The following CTNND1 variants were observed in gnomAD, a reference collection of about 807,000 sequenced individuals.
CTNND1 encodes the protein catenin delta 1, also known as catenin delta-1.
Under a neutral mutation model 112.1 loss-of-function variants are expected in CTNND1, and 16 were observed. The observed-to-expected ratio is 0.14, with a 90% CI of 0.10 to 0.22. The LOEUF (loss-of-function observed/expected upper bound fraction) is 0.22. Ranked by LOEUF, CTNND1 falls within the 10% of genes least tolerant of loss-of-function variation. CTNND1 has a pLI of 1.00. For missense variants in CTNND1, 1,008 were observed against 1,257.0 expected (o/e 0.80, Z 3.00); for synonymous variants, 420 against 446.5 (o/e 0.94, Z 0.75).
At position 57,795,741 on chromosome 11, in the gene CTNND1, C is replaced by T. The variant is rs764307328; in HGVS notation, c.420+12C>T. Reference sequence around the variant, plus strand: ...GCACAGAGACCACGGTAAACTAAGACGTGTGTAAGATCTGGAAGTGATAAG... The same window carrying T: ...GCACAGAGACCACGGTAAACTAAGATGTGTGTAAGATCTGGAAGTGATAAG... On this transcript the variant is annotated intron_variant, in intron 5 of 20. Coordinates refer to ENST00000399050, the MANE Select transcript of CTNND1 (RefSeq NM_001085458.2). The T allele has an allele frequency of 9.6e-5, 152 of 1,579,040 alleles. No homozygotes were observed. The highest frequency in any genetic ancestry group is 6.8e-4 in the East Asian group (30 of 44,300).
intron 7 of CTNND1, among the ~76,000 whole-genome samples, chr11:57,803,227 C>T (rs955947925): frequency 6.6e-6 from 1 of 152,198 alleles, no homozygotes; most frequent in South Asian, 2.1e-4. Flanking sequence ...CCTGCCTCAG[C>T]CTCCCAAGTA....
chr11:57,816,249 T>C (rs1046364601), intron 20 of CTNND1, 48 bp from the exon 21 acceptor site: 1 of 1,612,262 alleles, frequency 6.2e-7, no homozygotes, highest in Non-Finnish European at 8.5e-7. Context: ...GGGGGTCTCC[T>C]TAATCCCAAC....
intron 19 of CTNND1, 45 bp downstream of exon 19, chr11:57,815,545 T>G: frequency 7.0e-6 from 10 of 1,433,684 alleles, no homozygotes; most frequent in Non-Finnish European, 3.9e-6. Flanking sequence ...GCTAGTTCTA[T>G]TTTGAAGCCT....
intron 1 of CTNND1, among the ~76,000 whole-genome samples, chr11:57,766,777 A>G (rs144461183): frequency 6.6e-6 from 1 of 152,116 alleles, no homozygotes; most frequent in South Asian, 2.1e-4. Context: ...CCCTAATTCT[A>G]CTTGGAATTG....
intron 15 of CTNND1, 92 bp from the exon 16 acceptor site, chr11:57,810,017 A>G (rs962623642): frequency 7.9e-6 from 7 of 889,862 alleles, no homozygotes; most frequent in Non-Finnish European, 1.1e-5. Context: ...TGCCCCTGGC[A>G]TTTATATTCT....
intron 1 of CTNND1, among the ~76,000 whole-genome samples, chr11:57,771,386 G>C (rs1952568335): frequency 6.6e-6 from 1 of 152,042 alleles, no homozygotes; most frequent in Admixed American, 6.6e-5. Flanking sequence ...GAGTAGTATG[G>C]AGGAAAGAAC....
At chr11:57,772,326 T>C (rs1356780710) in intron 1 of CTNND1, among the ~76,000 whole-genome samples, 3 of 152,132 alleles carry the variant, frequency 2.0e-5, no homozygotes, top group African/African-American at 7.2e-5. Flanking sequence ...AGCCTAGACC[T>C]GTACAGTTTC....
chr11:57,798,749 C>T (rs539189466), intron 6 of CTNND1, among the ~76,000 whole-genome samples: 1 of 152,296 alleles, frequency 6.6e-6, no homozygotes, highest in African/African-American at 2.4e-5. Flanking sequence ...CGACAGACCC[C>T]TGAAAATGAC....
chr11:57,801,339 T>A (rs545607551), intron 6 of CTNND1, among the ~76,000 whole-genome samples: 2 of 152,328 alleles, frequency 1.3e-5, no homozygotes, highest in East Asian at 3.9e-4. Flanking sequence ...AGTCAGTTGC[T>A]TTGGTTAATT....
chr11:57,808,641 GAAGGACCC>G (rs1211513305), intron 14 of CTNND1, 101 bp downstream of exon 14: 2 of 1,176,188 alleles, frequency 1.7e-6, no homozygotes, highest in African/African-American at 3.1e-5. Context: ...TGACTGAAGG[GAAGGACCC>G]TCCCCCGCTT....
intron 6 of CTNND1, among the ~76,000 whole-genome samples, chr11:57,800,575 C>T (rs2061905156): frequency 6.6e-6 from 1 of 152,084 alleles, no homozygotes; most frequent in Non-Finnish European, 1.5e-5. Context: ...GTCCTGTTTC[C>T]GTGTTATTTT....
At chr11:57,767,995 G>A (rs1472716626) in intron 1 of CTNND1, among the ~76,000 whole-genome samples, 7 of 151,756 alleles carry the variant, frequency 4.6e-5, no homozygotes, top group Non-Finnish European at 7.4e-5. Flanking sequence ...CACCACGCCC[G>A]GCTGATTTTT....
At chr11:57,802,299 G>T in intron 7 of CTNND1, 103 bp downstream of exon 7, 1 of 1,051,840 alleles carries the variant, frequency 9.5e-7, no homozygotes, top group Non-Finnish European at 1.4e-6. Context: ...GAAAGGTTGT[G>T]AACTGGTGGC....
chr11:57,806,117 T>C (rs991179655), intron 10 of CTNND1, 82 bp downstream of exon 10: 8 of 1,486,120 alleles, frequency 5.4e-6, no homozygotes, highest in Middle Eastern at 1.8e-4. Context: ...ACAAAATACT[T>C]GGCAACAGTA....
intron 2 of CTNND1, 82 bp downstream of exon 2, chr11:57,789,237 C>A: frequency 3.0e-6 from 3 of 1,012,254 alleles, no homozygotes; most frequent in Non-Finnish European, 4.1e-6. Context: ...CATGTCATAG[C>A]AGAAAAAAAT....
At position 57,815,456 on chromosome 11, in the gene CTNND1, G is replaced by T. The variant is rs1202545291; in HGVS notation, c.2764G>T (p.Asp922Tyr). Residue 922 changes from aspartate (D) to tyrosine (Y), a missense_variant, in exon 19 of 21, where the codon GAT (aspartate) becomes TAT (tyrosine). Physicochemically the swap from Asp to Tyr is radical, Grantham distance 160. Transcript: ENST00000399050. ...DHNRTLDRSGDLGDMEPLKGT... is the reference protein window; with the variant it reads ...DHNRTLDRSGYLGDMEPLKGT... ...CAATAGAACACTGGATCGATCGGGG[G>T]ATCTAGGCGACATGGAGCCATTGAA... 1.2e-6 allele frequency: 2 copies of T among 1,612,796 alleles called. No homozygotes were observed. Among genetic ancestry groups the T allele is most frequent in the African/African-American group, 1.3e-5 (1 of 74,960 alleles).
rs749631352 is a variant in CTNND1 at position 57,801,838 on chromosome 11, C to T, written c.1062C>T (p.Arg354=). 2.5e-6 allele frequency: 4 copies of T among 1,614,024 alleles called. No homozygotes were observed. Among genetic ancestry groups the T allele is most frequent in the Admixed American group, 1.7e-5 (1 of 60,024 alleles). Residue 354 remains arginine (R), a synonymous_variant, in exon 7 of 21, where the codon CGC becomes CGT. Coordinates refer to ENST00000399050, the MANE Select transcript of CTNND1 (RefSeq NM_001085458.2). ...RGSLASLDSL[R]KGGPPPPNWR... is the part of the protein sequence containing the mutation. ...GTTTAGCAAGCTTGGATAGCCTGCG[C>T]AAAGGAGGGCCTCCACCTCCTAATT... is the stretch of plus-strand genomic sequence containing the variant.
chr11:57,789,837 T>C (rs1482422766), intron 2 of CTNND1, among the ~76,000 whole-genome samples: 1 of 152,200 alleles, frequency 6.6e-6, no homozygotes. Flanking sequence ...CTTCCAGCCA[T>C]TGACGTGTGG....
At position 57,819,378 on chromosome 11, in the gene CTNND1, T is replaced by C. The variant is rs1394653795; in HGVS notation, c.*3070T>C. ...AGAGTTTTGATAGCCCTGCTTGAGA[T>C]GATTTTTATCTAAATAGAAAAGCCT... On this transcript the variant is annotated 3_prime_UTR_variant, in exon 21 of 21. Coordinates refer to ENST00000399050, the MANE Select transcript of CTNND1 (RefSeq NM_001085458.2). 2 of 152,264 alleles carry C rather than the reference T, an allele frequency of 1.3e-5. No homozygotes were observed. Among genetic ancestry groups the C allele is most frequent in the Non-Finnish European group, 2.9e-5 (2 of 68,044 alleles). 9.4% of individuals were successfully genotyped at this position (152,264 alleles called of 1,614,324 possible). A position where few individuals can be genotyped will look rare whatever the true frequency, so the allele number is the denominator to read the frequency against.
Sources: allele counts gnomAD v4.1 joint callset (sites outside exome capture counted in the v4.1 genomes callset), GRCh38; gene constraint gnomAD v4.1.1; transcripts MANE v1.5; gene names NCBI Gene and HGNC (gene_info 2026-07-23, HGNC 2026-07-21).